CSF2: variants seen among roughly 807,000 people sequenced by gnomAD.
CSF2 encodes the protein colony stimulating factor 2.
In CSF2, 2 loss-of-function variants were observed where a neutral mutation model predicts 13.5. That is an observed-to-expected ratio of 0.15 (90% CI 0.06 to 0.47). CSF2 has a LOEUF of 0.47. Ranked by LOEUF, CSF2 falls within the 20% of genes least tolerant of loss-of-function variation. CSF2 has a pLI of 0.97. For synonymous variants in CSF2, 66 were observed against 69.2 expected, an observed-to-expected ratio of 0.95 and a Z score of 0.23; for missense variants, 141 against 179.7, an observed-to-expected ratio of 0.78 and a Z score of 1.23.
chr5:132,074,058 C>T, intron 1 of CSF2, 23 bp from the exon 2 acceptor site: 1 of 1,613,864 alleles, frequency 6.2e-7, no homozygotes. Context: ...AGCTTGATAA[C>T]ATGACATTTT....
chr5:132,074,425 G>A (rs2069624), intron 2 of CSF2, among the ~76,000 whole-genome samples: 3,105 of 152,252 alleles, frequency 0.02, 114 homozygotes, highest in African/African-American at 0.071. Flanking sequence ...GGTTTGGGGC[G>A]CTCACTGTGC....
At chr5:132,075,044 G>A (rs931443028) in intron 3 of CSF2, 109 bp downstream of exon 3, 40 of 1,526,270 alleles carry the variant, frequency 2.6e-5, no homozygotes, top group Non-Finnish European at 3.5e-5. Flanking sequence ...GGGGGTTTCT[G>A]TGCCAACAGT....
At position 132,074,898 on chromosome 5, in the gene CSF2, T is replaced by C; in HGVS notation, c.290T>C (p.Met97Thr). 1 of 1,613,298 alleles carries C rather than the reference T, an allele frequency of 6.2e-7. No homozygotes were observed. The highest frequency in any genetic ancestry group is 8.5e-7 in the Non-Finnish European group (1 of 1,180,018). Residue 97 changes from methionine (M) to threonine (T), a missense_variant, in exon 3 of 4, where the codon ATG (methionine) becomes ACG (threonine). Coordinates refer to ENST00000296871, the MANE Select transcript of CSF2 (RefSeq NM_000758.4). ...AAGCTCAAGGGCCCCTTGACCATGATGGCCAGCCACTACAAGCAGCACTGC... is the reference window on the plus strand; with the variant it reads ...AAGCTCAAGGGCCCCTTGACCATGACGGCCAGCCACTACAAGCAGCACTGC... ...LTKLKGPLTMMASHYKQHCPP... is the reference protein window; with the variant it reads ...LTKLKGPLTMTASHYKQHCPP...
Position 132,073,863 on chromosome 5 carries a change from T to C in CSF2, c.40T>C (p.Cys14Arg), listed in dbSNP as rs1268273351. 1 of 1,612,824 alleles carries C rather than the reference T, an allele frequency of 6.2e-7. No individual in the cohort carries two copies. The highest frequency in any genetic ancestry group is 8.5e-7 in the Non-Finnish European group (1 of 1,180,042). ...CCTGCTGCTCTTGGGCACTGTGGCC[T>C]GCAGCATCTCTGCACCCGCCCGCTC... Reference protein sequence around the residue: ...QSLLLLGTVACSISAPARSPS... With the variant: ...QSLLLLGTVARSISAPARSPS... Residue 14 changes from cysteine to arginine, a missense_variant, in exon 1 of 4, where the codon TGC becomes CGC. Physicochemically the swap from Cys to Arg is radical, Grantham distance 180. Transcript: ENST00000296871.
At chr5:132,075,074 C>T (rs1184526299) in intron 3 of CSF2, 139 bp downstream of exon 3, 2 of 1,343,182 alleles carry the variant, frequency 1.5e-6, no homozygotes, top group Non-Finnish European at 2.1e-6. Context: ...ATTAGCCCTC[C>T]AGAGAGGAGG....
chr5:132,075,717 A>T (rs1223921479), intron 3 of CSF2, 28 bp from the exon 4 acceptor site: 2 of 1,546,062 alleles, frequency 1.3e-6, no homozygotes, highest in African/African-American at 2.7e-5. Context: ...CCTGGACTCA[A>T]GTGTTTTTTA....
At chr5:132,075,015 G>A (rs1361632708) in intron 3 of CSF2, 80 bp downstream of exon 3, 2 of 1,605,522 alleles carry the variant, frequency 1.2e-6, no homozygotes, top group South Asian at 2.2e-5. Flanking sequence ...ATCTATGGCT[G>A]TGGCTGTTCA....
intron 3 of CSF2, among the ~76,000 whole-genome samples, chr5:132,075,243 C>A: frequency 6.6e-6 from 1 of 152,234 alleles, no homozygotes; most frequent in East Asian, 1.9e-4. Flanking sequence ...CTGCCCAAGG[C>A]CCAGAGGAAG....
chr5:132,075,435 C>T (rs1449030462), intron 3 of CSF2, among the ~76,000 whole-genome samples: 2 of 152,214 alleles, frequency 1.3e-5, no homozygotes, highest in African/African-American at 4.8e-5. Flanking sequence ...TGCCCAGAGA[C>T]GACCTCAGCC....
intron 2 of CSF2, 110 bp downstream of exon 2, chr5:132,074,232 A>T: frequency 1.6e-6 from 2 of 1,280,178 alleles, no homozygotes; most frequent in Non-Finnish European, 2.2e-6. Context: ...CTCTCCAGTC[A>T]GCTGGCTGCA....
At position 132,074,938 on chromosome 5, in the gene CSF2, G is replaced by T. The variant is rs758054793; in HGVS notation, c.327+3G>T. On this transcript the variant is annotated splice_donor_region_variant and intron_variant, in intron 3 of 3. Transcript: ENST00000296871. ...AGCAGCACTGCCCTCCAACCCCGGT[G>T]AGTGCCTACGGCAGGGCCTCCAGCA... 64 of 1,613,274 alleles carry T rather than the reference G, an allele frequency of 4.0e-5. No homozygotes were observed. The highest frequency in any genetic ancestry group is 5.1e-5 in the Non-Finnish European group (60 of 1,180,026).
chr5:132,073,919 T>C lies in CSF2; in HGVS notation c.96T>C (p.His32=). The part of the protein sequence containing the change: ...SPSPSTQPWE[H]VNAIQEARRL... ...GCCCCAGCACGCAGCCCTGGGAGCA[T>C]GTGAATGCCATCCAGGAGGCCCGGC... The change falls in exon 1 of 4, where the codon CAT becomes CAC. Residue 32 remains histidine (H), a synonymous_variant. Transcript: ENST00000296871. The C allele has an allele frequency of 6.2e-7, 1 of 1,613,304 alleles. No individual in the cohort carries two copies. The highest frequency in any genetic ancestry group is 8.5e-7 in the Non-Finnish European group (1 of 1,180,018).
intron 3 of CSF2, 72 bp from the exon 4 acceptor site, chr5:132,075,673 T>C: frequency 1.7e-6 from 2 of 1,169,652 alleles, no homozygotes; most frequent in South Asian, 2.4e-5. Flanking sequence ...TAGAGAAACA[T>C]GCTGGTGCTT....
chr5:132,074,028 CCT>C, intron 1 of CSF2, 46 bp downstream of exon 1: 1 of 1,613,716 alleles, frequency 6.2e-7, no homozygotes, highest in Non-Finnish European at 8.5e-7. Flanking sequence ...CCAGCTGGCC[CCT>C]GACTGGCCAC....
chr5:132,074,577 C>T (rs1442198983), intron 2 of CSF2, among the ~76,000 whole-genome samples: 1 of 152,192 alleles, frequency 6.6e-6, no homozygotes, highest in Non-Finnish European at 1.5e-5. Flanking sequence ...CACCTCCTTC[C>T]CTAAGGCTGG....
At chr5:132,075,689 C>T in intron 3 of CSF2, 56 bp from the exon 4 acceptor site, 1 of 1,322,840 alleles carries the variant, frequency 7.6e-7, no homozygotes, top group Non-Finnish European at 1.1e-6. Context: ...TGCTTCCTTC[C>T]CCCACGTTAC....
chr5:132,075,756 T>C lies in CSF2; in HGVS notation c.339T>C (p.Cys113=). 6 of 1,608,410 alleles carry C rather than the reference T, an allele frequency of 3.7e-6. No individual in the cohort carries two copies. Among genetic ancestry groups the C allele is most frequent in the Non-Finnish European group, 5.1e-6 (6 of 1,179,498 alleles). The part of the protein sequence containing the change: ...QHCPPTPETS[C]ATQIITFESF... ...TTCTTTTTTTAAAGGAAACTTCCTG[T>C]GCAACCCAGATTATCACCTTTGAAA... Residue 113 remains cysteine, a synonymous_variant, in exon 4 of 4, where the codon TGT becomes TGC. Transcript: ENST00000296871.
intron 3 of CSF2, 64 bp from the exon 4 acceptor site, chr5:132,075,681 C>A: frequency 1.0e-6 from 1 of 974,832 alleles, no homozygotes; most frequent in Non-Finnish European, 1.6e-6. Context: ...CATGCTGGTG[C>A]TTCCTTCCCC....
intron 2 of CSF2, 24 bp downstream of exon 2, chr5:132,074,146 G>C (rs1445814291): frequency 6.2e-7 from 1 of 1,613,698 alleles, no homozygotes; most frequent in East Asian, 2.2e-5. Flanking sequence ...CTCTGACATA[G>C]CTTTCCAGAA....
Sources: allele counts gnomAD v4.1 joint callset (sites outside exome capture counted in the v4.1 genomes callset), GRCh38; gene constraint gnomAD v4.1.1; transcripts MANE v1.5; gene names NCBI Gene and HGNC (gene_info 2026-07-23, HGNC 2026-07-21).